Variants in FAM13B observed in about 807,000 individuals in gnomAD.
FAM13B encodes family with sequence similarity 13 member B.
FAM13B carries 60 observed loss-of-function variants against 117.3 expected under a neutral mutation model. That is an observed-to-expected ratio of 0.51 (90% CI 0.42 to 0.63). The LOEUF is 0.63. FAM13B is among the 30% of genes least tolerant of loss of function. FAM13B has a pLI of 0.00. For synonymous variants in FAM13B, 332 were observed against 356.1 expected, an observed-to-expected ratio of 0.93 and a Z score of 0.76; for missense variants, 972 against 1,091.9, an observed-to-expected ratio of 0.89 and a Z score of 1.55.
exon 1 of FAM13B, chr5:138,051,912 C>T (rs1328941805): frequency 2.6e-5 from 4 of 152,142 alleles, no homozygotes; most frequent in African/African-American, 9.7e-5. Context: ...CCCTTTCAGT[C>T]GGCAAGTATG....
At chr5:137,945,722 G>A (rs1417365716) in intron 20 of FAM13B, among the ~76,000 whole-genome samples, 180 bp downstream of exon 20, 1 of 152,198 alleles carries the variant, frequency 6.6e-6, no homozygotes, top group Non-Finnish European at 1.5e-5. Context: ...TTACACAAGT[G>A]TCTGGGATAT....
rs1187453919 is a variant in FAM13B at position 137,943,198 on chromosome 5, G to A, written c.2359C>T (p.Arg787Ter). 1.9e-6 allele frequency: 3 copies of A among 1,613,668 alleles called. No homozygotes were observed. Among genetic ancestry groups the A allele is most frequent in the South Asian group, 1.1e-5 (1 of 91,060 alleles). The stretch of plus-strand genomic sequence containing the variant: ...ATTGGCTGTAACATCTGACCCCTTC[G>A]CTTGGTGGATGGAGATCCCTATAAC... ...TPVLGSPSTK[R>*]RGQMLQPIIE... is the part of the protein sequence containing the mutation. Residue 787 changes from arginine to a stop codon, truncating the protein, a stop_gained, in exon 21 of 24, where the codon CGA (arginine) becomes TGA (stop). Coordinates refer to ENST00000689681, the MANE Select transcript of FAM13B (RefSeq NM_001385994.1). LOFTEE classifies it high-confidence loss of function.
chr5:138,005,477 G>A (rs115350774), intron 7 of FAM13B, among the ~76,000 whole-genome samples: 5,789 of 149,800 alleles, frequency 0.039, 136 homozygotes, highest in Middle Eastern at 0.056. Flanking sequence ...TTTTTTTTTA[G>A]TAGCAGTACA....
At chr5:138,021,005 A>G in intron 2 of FAM13B, 26 bp downstream of exon 2, 1 of 1,227,838 alleles carries the variant, frequency 8.1e-7, no homozygotes, top group Non-Finnish European at 1.0e-6. Context: ...ATAGAGCACG[A>G]GATAGTTACC....
At chr5:137,968,846 A>T (rs1017922022) in intron 10 of FAM13B, among the ~76,000 whole-genome samples, 14 of 152,210 alleles carry the variant, frequency 9.2e-5, no homozygotes, top group African/African-American at 3.4e-4. Context: ...GAAAGTGGTG[A>T]CAGACGGCAC....
At chr5:137,997,776 A>G (rs185937015) in intron 7 of FAM13B, among the ~76,000 whole-genome samples, 58 of 152,314 alleles carry the variant, frequency 3.8e-4, no homozygotes, top group African/African-American at 1.3e-3. Context: ...ACTGGTTCTC[A>G]AAAAGAGGTC....
intron 17 of FAM13B, among the ~76,000 whole-genome samples, chr5:137,951,020 C>A (rs1010660413): frequency 1.3e-5 from 2 of 152,012 alleles, no homozygotes; most frequent in East Asian, 3.9e-4. Context: ...CCAGCCTGGG[C>A]AACATGGTGC....
rs202233545 is a variant in FAM13B, at chr5:137,940,075, A to T, written c.*150T>A. The T allele has an allele frequency of 4.3e-6, 7 of 1,614,026 alleles. No homozygotes were observed. Among genetic ancestry groups the T allele is most frequent in the Non-Finnish European group, 5.9e-6 (7 of 1,180,016 alleles). On this transcript the variant is annotated 3_prime_UTR_variant, in exon 24 of 24. Coordinates refer to ENST00000689681, the MANE Select transcript of FAM13B (RefSeq NM_001385994.1). ...GAGAGGGCCTACTTACTCTCCCATC[A>T]TTTGTTTTGTTTAGTGGCACCACAA...
At chr5:138,031,604 G>C (rs1254469833) in intron 1 of FAM13B, among the ~76,000 whole-genome samples, 5 of 151,866 alleles carry the variant, frequency 3.3e-5, no homozygotes, top group Non-Finnish European at 7.4e-5. Flanking sequence ...AGAATCGCTT[G>C]AATCCGGGAG....
Position 137,956,542 on chromosome 5 carries a change from G to A in FAM13B, c.1442C>T (p.Ala481Val), listed in dbSNP as rs759812841. The change falls in exon 14 of 24, where the codon GCG becomes GTG. Residue 481 changes from alanine (A) to valine (V), a missense_variant and splice_region_variant. Transcript: ENST00000689681. ...GAGGGGAAAAGTGATAGGGCATGAC[G>A]CTAATAAAATGGAAAAAATGGCAAA... is the stretch of plus-strand genomic sequence containing the variant. ...KNVSDGDKWEASCPITFPLID... is the reference protein window; with the variant it reads ...KNVSDGDKWEVSCPITFPLID... 13 of 1,586,508 alleles carry A rather than the reference G, an allele frequency of 8.2e-6. No individual in the cohort carries two copies. The highest frequency in any genetic ancestry group is 5.8e-5 in the South Asian group (5 of 86,102).
intron 13 of FAM13B, among the ~76,000 whole-genome samples, chr5:137,956,936 G>A (rs1176465659): frequency 1.3e-5 from 2 of 152,206 alleles, no homozygotes; most frequent in Non-Finnish European, 2.9e-5. Flanking sequence ...AGAGTTAGCA[G>A]GAGAGAATCT....
At chr5:137,956,366 C>A in intron 14 of FAM13B, 111 bp downstream of exon 14, 2 of 588,602 alleles carry the variant, frequency 3.4e-6, no homozygotes, top group South Asian at 4.2e-5. Flanking sequence ...CACTTTGAAC[C>A]CAGAACAGTT....
chr5:138,049,904 T>C (rs908983410), intron 1 of FAM13B, among the ~76,000 whole-genome samples: 1 of 152,134 alleles, frequency 6.6e-6, no homozygotes, highest in African/African-American at 2.4e-5. Flanking sequence ...AGTGGAAGGA[T>C]TGCCTGAGAC....
chr5:138,008,873 TGG>T (rs1561524015), intron 6 of FAM13B, among the ~76,000 whole-genome samples: 2 of 152,232 alleles, frequency 1.3e-5, no homozygotes, highest in Non-Finnish European at 2.9e-5. Flanking sequence ...CCAGGCGCGG[TGG>T]CCCATGCCTT....
At position 137,992,491 on chromosome 5, in the gene FAM13B, G is replaced by C. The variant is rs181643486; in HGVS notation, c.849-4176C>G. Among the ~76,000 whole-genome samples the C allele has an allele frequency of 6.1e-4, 93 of 152,164 alleles. 1 individual carries two copies. Among genetic ancestry groups the C allele is most frequent in the Non-Finnish European group, 1.5e-4 (10 of 68,002 alleles). On this transcript the variant is annotated intron_variant, in intron 7 of 23. Coordinates refer to ENST00000689681, the MANE Select transcript of FAM13B (RefSeq NM_001385994.1). The stretch of plus-strand genomic sequence containing the variant: ...TGCCTGTAATCCCAGCTACTCGGGA[G>C]GCTGAGGCAGGGGAATCACTTGAAC...
chr5:138,035,162 G>A (rs1791029343), upstream of FAM13B, among the ~76,000 whole-genome samples: 1 of 151,384 alleles, frequency 6.6e-6, no homozygotes, highest in Non-Finnish European at 1.5e-5. Context: ...ACAGGGACAT[G>A]CCACCATGCC....
chr5:138,035,380 AT>A (rs951751540), upstream of FAM13B, among the ~76,000 whole-genome samples: 2 of 151,728 alleles, frequency 1.3e-5, no homozygotes, highest in African/African-American at 4.8e-5. Flanking sequence ...ATCAATGACC[AT>A]TTTCCCCCTC....
At position 137,956,991 on chromosome 5, in the gene FAM13B, G is replaced by A. The variant is rs184067255; in HGVS notation, c.1442-449C>T. Among the ~76,000 whole-genome samples the A allele has an allele frequency of 9.6e-4, 146 of 152,296 alleles. 1 individual carries two copies. Among genetic ancestry groups the A allele is most frequent in the African/African-American group, 3.2e-3 (134 of 41,552 alleles). The stretch of plus-strand genomic sequence containing the variant: ...ATTAAAAGTCAAAACTTTGCAAACA[G>A]CTGCTACAAATTCATACTGGTGACA... On this transcript the variant is annotated intron_variant, in intron 13 of 23. Transcript: ENST00000689681.
At chr5:137,963,738 G>A (rs1204823902) in intron 10 of FAM13B, among the ~76,000 whole-genome samples, 1 of 152,198 alleles carries the variant, frequency 6.6e-6, no homozygotes, top group Non-Finnish European at 1.5e-5. Context: ...GAGCACTATG[G>A]CATGAGCTCC....
Sources: allele counts gnomAD v4.1 joint callset (sites outside exome capture counted in the v4.1 genomes callset), GRCh38; gene constraint gnomAD v4.1.1; transcripts MANE v1.5; gene names NCBI Gene and HGNC (gene_info 2026-07-23, HGNC 2026-07-21).